The following CD28 variants were observed in gnomAD, a reference collection of about 807,000 sequenced individuals.
CD28 encodes CD28 molecule, also known as T-cell-specific surface glycoprotein CD28.
CD28 carries 8 observed loss-of-function variants against 21.4 expected under a neutral mutation model. The observed-to-expected ratio is 0.37, with a 90% CI of 0.22 to 0.68. The LOEUF (loss-of-function observed/expected upper bound fraction) is 0.68. CD28 is among the 30% of genes least tolerant of loss of function. CD28 has a pLI of 0.55. For synonymous variants in CD28, 106 were observed against 104.0 expected (o/e 1.02, Z -0.12); for missense variants, 239 against 272.2 (o/e 0.88, Z 0.86).
chr2:203,708,763 G>C (rs1484159001), intron 1 of CD28, among the ~76,000 whole-genome samples: 2 of 152,226 alleles, frequency 1.3e-5, no homozygotes, highest in African/African-American at 4.8e-5. Context: ...AGAGATGGGA[G>C]TGAAGGGGAC....
At chr2:203,713,475 T>G (rs1004703827) in intron 1 of CD28, among the ~76,000 whole-genome samples, 7 of 152,080 alleles carry the variant, frequency 4.6e-5, no homozygotes, top group Non-Finnish European at 8.8e-5. Flanking sequence ...GTGAGGCTAG[T>G]GGAATGCCAC....
In CD28 at chr2:203,736,541, T is replaced by C. The variant is rs1694042035; in HGVS notation, c.*1629T>C. On this transcript the variant is annotated 3_prime_UTR_variant, in exon 4 of 4. Coordinates refer to ENST00000324106, the MANE Select transcript of CD28 (RefSeq NM_006139.4). ...GCATCAGAGTTCTTAAGGGACTGGG[T>C]AAGGCCTGACCCTGAAATGACCATG... The C allele has an allele frequency of 6.6e-6, 1 of 152,230 alleles. No homozygotes were observed. Among genetic ancestry groups the C allele is most frequent in the Admixed American group, 6.5e-5 (1 of 15,282 alleles). 9.4% of individuals were successfully genotyped at this position (152,230 alleles called of 1,614,324 possible).
At chr2:203,721,564 C>T (rs1057230256) in intron 1 of CD28, among the ~76,000 whole-genome samples, 2 of 152,018 alleles carry the variant, frequency 1.3e-5, no homozygotes, top group Admixed American at 1.3e-4. Flanking sequence ...TCCCACCTCA[C>T]CCCAGTCCCC....
In CD28 at chr2:203,706,813, A is replaced by G. The variant is rs1693169451; in HGVS notation, c.52+65A>G. 17 of 1,243,314 alleles carry G rather than the reference A, an allele frequency of 1.4e-5. No homozygotes were observed. In the Admixed American group the frequency reaches 2.6e-4, roughly 19 times the overall value. 77.0% of individuals were successfully genotyped at this position (1,243,314 alleles called of 1,614,324 possible). ...TGAGGTCTTCCAATTGGCTTAGTTTATTTTAAATTTCTAACAATGTGTGAA... is the reference window on the plus strand; with the variant it reads ...TGAGGTCTTCCAATTGGCTTAGTTTGTTTTAAATTTCTAACAATGTGTGAA... On this transcript the variant is annotated intron_variant, in intron 1 of 3. Coordinates refer to ENST00000324106, the MANE Select transcript of CD28 (RefSeq NM_006139.4).
At chr2:203,733,047 G>A (rs1477675397) in intron 3 of CD28, among the ~76,000 whole-genome samples, 1 of 152,202 alleles carries the variant, frequency 6.6e-6, no homozygotes, top group Admixed American at 6.5e-5. Context: ...CAGGGTTGGA[G>A]TAAGTACTAA....
rs1007946474 is a variant in CD28, at chr2:203,735,698, A to G, written c.*786A>G. The G allele has an allele frequency of 6.6e-6, 1 of 152,292 alleles. No individual in the cohort carries two copies. Among genetic ancestry groups the G allele is most frequent in the Non-Finnish European group, 1.5e-5 (1 of 68,054 alleles). The allele number at this position is 152,292 out of a possible 1,614,324, so 9.4% of individuals were successfully genotyped here. A position where few individuals can be genotyped will look rare whatever the true frequency, so the allele number is the denominator to read the frequency against. ...TGAAGAAAGAATATGTCAGGAAATA[A>G]GGTCACTTTATGTCAAAATTATTTG... On this transcript the variant is annotated 3_prime_UTR_variant, in exon 4 of 4. Coordinates refer to ENST00000324106, the MANE Select transcript of CD28 (RefSeq NM_006139.4).
intron 1 of CD28, among the ~76,000 whole-genome samples, chr2:203,719,867 G>T (rs754286125): frequency 6.6e-6 from 1 of 152,148 alleles, no homozygotes; most frequent in Non-Finnish European, 1.5e-5. Context: ...TCCTTTTAAG[G>T]TCAGGGTTCT....
intron 2 of CD28, 124 bp from the exon 3 acceptor site, chr2:203,729,524 C>A: frequency 9.7e-7 from 1 of 1,035,816 alleles, no homozygotes; most frequent in Non-Finnish European, 1.4e-6. Flanking sequence ...AATCTATTCA[C>A]TCTAAGCTGG....
At chr2:203,711,474 G>A (rs1465669441) in intron 1 of CD28, among the ~76,000 whole-genome samples, 1 of 152,166 alleles carries the variant, frequency 6.6e-6, no homozygotes, top group Non-Finnish European at 1.5e-5. Flanking sequence ...CCTGCAAGGT[G>A]GTGGAGAAGT....
intron 1 of CD28, among the ~76,000 whole-genome samples, chr2:203,719,653 C>T (rs1012622147): frequency 1.3e-5 from 2 of 152,128 alleles, no homozygotes; most frequent in African/African-American, 4.8e-5. Flanking sequence ...CTCAGTTTCC[C>T]CATGTGTAAG....
intron 1 of CD28, among the ~76,000 whole-genome samples, chr2:203,712,679 T>A (rs1207855156): frequency 1.3e-5 from 2 of 152,206 alleles, no homozygotes; most frequent in East Asian, 3.8e-4. Flanking sequence ...AAGAAATGAA[T>A]GAATTAGTAA....
chr2:203,711,237 G>A (rs1693303547), intron 1 of CD28, among the ~76,000 whole-genome samples: 2 of 152,204 alleles, frequency 1.3e-5, no homozygotes, highest in South Asian at 4.1e-4. Flanking sequence ...AAAGGTGGTT[G>A]CATGCAAGTG....
chr2:203,721,975 TG>T (rs1362563516), intron 1 of CD28, among the ~76,000 whole-genome samples: 1 of 152,132 alleles, frequency 6.6e-6, no homozygotes, highest in African/African-American at 2.4e-5. Context: ...CTGTGTGTGC[TG>T]GGAGAGGGAG....
chr2:203,712,445 C>G (rs1426351822), intron 1 of CD28, among the ~76,000 whole-genome samples: 1 of 152,132 alleles, frequency 6.6e-6, no homozygotes, highest in Non-Finnish European at 1.5e-5. Context: ...TCCTCTACAC[C>G]TCTCACCTGA....
chr2:203,707,466 T>C (rs967515122), intron 1 of CD28, among the ~76,000 whole-genome samples: 1 of 152,224 alleles, frequency 6.6e-6, no homozygotes. Flanking sequence ...TCTACCTGAA[T>C]TGAATGAGTT....
intron 1 of CD28, 151 bp from the exon 2 acceptor site, chr2:203,726,482 A>C: frequency 4.9e-6 from 3 of 613,436 alleles, no homozygotes; most frequent in Middle Eastern, 3.6e-4. Context: ...AACTCTCAGT[A>C]TAATTATCCC....
rs140455620 is a variant in CD28, at chr2:203,734,913, C to T, written c.*1C>T. ...CGACTTCGCAGCCTATCGCTCCTGA[C>T]ACGGACGCCTATCCAGAAGCCAGCC... is the stretch of plus-strand genomic sequence containing the variant. On this transcript the variant is annotated 3_prime_UTR_variant, in exon 4 of 4. Coordinates refer to ENST00000324106, the MANE Select transcript of CD28 (RefSeq NM_006139.4). The T allele has an allele frequency of 3.7e-5, 59 of 1,613,946 alleles. No individual in the cohort carries two copies. The highest frequency in any genetic ancestry group is 8.0e-5 in the African/African-American group (6 of 75,084).
chr2:203,727,261 C>T (rs1293984291), intron 2 of CD28, among the ~76,000 whole-genome samples: 1 of 152,086 alleles, frequency 6.6e-6, no homozygotes, highest in Non-Finnish European at 1.5e-5. Context: ...TTCTCCATTC[C>T]AGTGGATCAT....
rs1694039437 is a variant in CD28 at position 203,736,475 on chromosome 2, T to G, written c.*1563T>G. On this transcript the variant is annotated 3_prime_UTR_variant, in exon 4 of 4. Coordinates refer to ENST00000324106, the MANE Select transcript of CD28 (RefSeq NM_006139.4). ...GCTGCTCCTGTACCTTGGAGGTCCATTCACATGGGAAAGTATTTTGGAATG... is the reference window on the plus strand; with the variant it reads ...GCTGCTCCTGTACCTTGGAGGTCCAGTCACATGGGAAAGTATTTTGGAATG... 2 of 152,476 alleles carry G rather than the reference T, an allele frequency of 1.3e-5. No homozygotes were observed. The highest frequency in any genetic ancestry group is 2.4e-5 in the African/African-American group (1 of 41,446). 9.4% of individuals were successfully genotyped at this position (152,476 alleles called of 1,614,324 possible).
Sources: allele counts gnomAD v4.1 joint callset (sites outside exome capture counted in the v4.1 genomes callset), GRCh38; gene constraint gnomAD v4.1.1; transcripts MANE v1.5; gene names NCBI Gene and HGNC (gene_info 2026-07-23, HGNC 2026-07-21).